VAV3: variants seen among roughly 807,000 people sequenced by gnomAD.
VAV3 encodes the protein guanine nucleotide exchange factor VAV3.
A neutral mutation model predicts 131.2 loss-of-function variants in VAV3; 94 were observed. The observed-to-expected ratio is 0.72, with a 90% CI of 0.61 to 0.85. The LOEUF (loss-of-function observed/expected upper bound fraction) is 0.85, where lower values mean the gene tolerates loss of function less well. Ranked by LOEUF, VAV3 falls within the 40% of genes least tolerant of loss-of-function variation. VAV3 has a pLI of 0.00. For missense variants in VAV3, 939 were observed against 1,002.7 expected (o/e 0.94, Z 0.86); for synonymous variants, 349 against 342.0 (o/e 1.02, Z -0.22).
intron 1 of VAV3, among the ~76,000 whole-genome samples, chr1:107,909,459 G>T (rs904242455): frequency 6.6e-5 from 10 of 151,996 alleles, no homozygotes; most frequent in African/African-American, 2.4e-4. Context: ...AAAAAAAAAT[G>T]GTCACAATTT....
chr1:107,614,461 C>T (rs957794636), intron 21 of VAV3, among the ~76,000 whole-genome samples: 2 of 151,420 alleles, frequency 1.3e-5, no homozygotes, highest in African/African-American at 4.9e-5. Context: ...TTTATCTTCA[C>T]TTAACTTGCC....
chr1:107,616,386 G>A (rs369723902), intron 21 of VAV3, among the ~76,000 whole-genome samples: 1 of 152,062 alleles, frequency 6.6e-6, no homozygotes, highest in Non-Finnish European at 1.5e-5. Context: ...AGTTAAAATT[G>A]AGTATACATG....
intron 2 of VAV3, among the ~76,000 whole-genome samples, chr1:107,781,659 A>C (rs780133480): frequency 1.2e-4 from 19 of 152,218 alleles, no homozygotes; most frequent in Non-Finnish European, 2.1e-4. Flanking sequence ...TACTGACCCC[A>C]AAATTGTATA....
intron 15 of VAV3, among the ~76,000 whole-genome samples, chr1:107,735,947 A>G (rs1449716484): frequency 2.6e-5 from 4 of 152,206 alleles, no homozygotes; most frequent in African/African-American, 4.8e-5. Context: ...ACATCAATAC[A>G]AAAATCCTCA....
intron 2 of VAV3, among the ~76,000 whole-genome samples, chr1:107,865,625 T>A (rs1037709883): frequency 2.6e-5 from 4 of 152,182 alleles, no homozygotes; most frequent in Non-Finnish European, 5.9e-5. Flanking sequence ...TGAAGAATCT[T>A]GTGCGGCTTG....
chr1:107,768,073 T>C (rs1339045654), intron 7 of VAV3, among the ~76,000 whole-genome samples: 3 of 152,090 alleles, frequency 2.0e-5, no homozygotes, highest in Admixed American at 1.3e-4. Context: ...GGTGAGGACA[T>C]CACCTACAAG....
Position 107,890,666 on chromosome 1 carries a change from T to G in VAV3, c.205-15649A>C, listed in dbSNP as rs143211862. Among the ~76,000 whole-genome samples the G allele has an allele frequency of 7.2e-3, 1,092 of 152,376 alleles. 10 individuals carry two copies. Among genetic ancestry groups the G allele is most frequent in the Middle Eastern group, 0.044 (13 of 294 alleles). On this transcript the variant is annotated intron_variant, in intron 1 of 26. Coordinates refer to ENST00000370056, the MANE Select transcript of VAV3 (RefSeq NM_006113.5). The stretch of plus-strand genomic sequence containing the variant: ...TTCCCACAACCAGACACCTTTAGTC[T>G]GCCTTCTTTGAGTCATATGTTCACA...
chr1:107,875,542 G>T (rs577634133), intron 1 of VAV3, among the ~76,000 whole-genome samples: 4 of 152,086 alleles, frequency 2.6e-5, no homozygotes, highest in African/African-American at 4.8e-5. Context: ...GCCTCTGAGC[G>T]TGTCTGAGAA....
rs139462251 is a variant in VAV3 at position 107,734,714 on chromosome 1, T to A, written c.1502+14254A>T. Among the ~76,000 whole-genome samples, 1,005 of 152,238 alleles carry A rather than the reference T, an allele frequency of 6.6e-3. 11 individuals carry two copies. Among genetic ancestry groups the A allele is most frequent in the African/African-American group, 0.021 (863 of 41,516 alleles). On this transcript the variant is annotated intron_variant, in intron 15 of 26. Coordinates refer to ENST00000370056, the MANE Select transcript of VAV3 (RefSeq NM_006113.5). The stretch of plus-strand genomic sequence containing the variant: ...GGAGCACCCAGATTCATAAAGCAAG[T>A]CTTTAGAGACCTACAAAGAGACTTA...
At chr1:107,682,317 T>A (rs1406452896) in intron 19 of VAV3, among the ~76,000 whole-genome samples, 1 of 152,124 alleles carries the variant, frequency 6.6e-6, no homozygotes, top group Non-Finnish European at 1.5e-5. Flanking sequence ...GTTAAGTAAT[T>A]TTTCTGAAAC....
chr1:107,732,869 G>A (rs7545215), intron 15 of VAV3, among the ~76,000 whole-genome samples: 172 of 152,242 alleles, frequency 1.1e-3, no homozygotes, highest in African/African-American at 3.9e-3. Context: ...TGGTTCTCCC[G>A]GCATGGTGTT....
chr1:107,794,653 T>TA (rs1666452608), intron 2 of VAV3, among the ~76,000 whole-genome samples: 1 of 152,212 alleles, frequency 6.6e-6, no homozygotes, highest in African/African-American at 2.4e-5. Context: ...CTTGTGGCCT[T>TA]AAAATCCTAA....
chr1:107,842,705 G>C (rs193108126), intron 2 of VAV3, among the ~76,000 whole-genome samples: 1 of 151,888 alleles, frequency 6.6e-6, no homozygotes, highest in African/African-American at 2.4e-5. Flanking sequence ...GGTTATGCAG[G>C]GGGTGTCATT....
intron 2 of VAV3, among the ~76,000 whole-genome samples, chr1:107,799,862 C>T (rs1190539441): frequency 1.3e-5 from 2 of 152,130 alleles, no homozygotes. Flanking sequence ...CCTTCCCTTC[C>T]TGGACTCTGA....
chr1:107,956,347 CT>C (rs1245277478), intron 1 of VAV3, among the ~76,000 whole-genome samples: 2 of 152,100 alleles, frequency 1.3e-5, no homozygotes, highest in Admixed American at 6.5e-5. Flanking sequence ...AGTTCTCAAA[CT>C]TTTTTTTCCT....
At chr1:107,912,949 G>A (rs536932750) in intron 1 of VAV3, among the ~76,000 whole-genome samples, 16 of 152,304 alleles carry the variant, frequency 1.1e-4, no homozygotes, top group African/African-American at 3.8e-4. Flanking sequence ...TAGGATCAAG[G>A]AAGTCAACAT....
intron 1 of VAV3, among the ~76,000 whole-genome samples, chr1:107,961,305 C>T (rs921563540): frequency 1.3e-5 from 2 of 152,110 alleles, no homozygotes; most frequent in African/African-American, 4.8e-5. Flanking sequence ...TGAAGATCTT[C>T]TTAACCACTA....
chr1:107,893,575 C>CA lies in VAV3; in HGVS notation c.205-18559dup, dbSNP rs200837698. ...CATGTCTTACATGGATGGCAGCAGGCAAAAAAAGCTTCCGGAGGGAAACTC... is the reference window on the plus strand; with the variant it reads ...CATGTCTTACATGGATGGCAGCAGGCAAAAAAAAGCTTCCGGAGGGAAACTC... On this transcript the variant is annotated intron_variant, in intron 1 of 26. Coordinates refer to ENST00000370056, the MANE Select transcript of VAV3 (RefSeq NM_006113.5). 4.1e-3 allele frequency among the ~76,000 whole-genome samples: 626 copies of CA among 151,478 alleles called. 8 individuals are homozygous for CA. The highest frequency in any genetic ancestry group is 0.014 in the African/African-American group (585 of 41,324).
At chr1:107,914,286 A>G (rs1160395176) in intron 1 of VAV3, among the ~76,000 whole-genome samples, 2 of 152,210 alleles carry the variant, frequency 1.3e-5, no homozygotes, top group Non-Finnish European at 2.9e-5. Flanking sequence ...AGCTGACGCA[A>G]GAACCTCAGT....
Sources: gnomAD v4.1 joint callset for allele counts (sites outside exome capture counted in the v4.1 genomes callset) on GRCh38, gnomAD v4.1.1 for gene constraint, MANE v1.5 for transcripts, NCBI Gene and HGNC (gene_info 2026-07-23, HGNC 2026-07-21) for gene names.